Variants in AGBL4 observed in about 807,000 individuals in gnomAD.
The protein encoded by AGBL4 is AGBL carboxypeptidase 4.
A neutral mutation model predicts 66.4 loss-of-function variants in AGBL4; 58 were observed. That is an observed-to-expected ratio of 0.87 (90% CI 0.71 to 1.09). The LOEUF (loss-of-function observed/expected upper bound fraction) is 1.09. Ranked by LOEUF, AGBL4 falls within the 50% of genes least tolerant of loss-of-function variation. The pLI is 0.00. For missense variants in AGBL4, 579 were observed against 631.0 expected (o/e 0.92, Z 0.88); for synonymous variants, 234 against 222.9 (o/e 1.05, Z -0.44).
intron 3 of AGBL4, among the ~76,000 whole-genome samples, chr1:49,410,955 G>C (rs1423286353): frequency 6.6e-6 from 1 of 152,170 alleles, no homozygotes; most frequent in Admixed American, 6.5e-5. Context: ...ATTAGTCAGG[G>C]TTCTCCAGAG....
chr1:49,368,621 A>C (rs2148548340), intron 3 of AGBL4, among the ~76,000 whole-genome samples: 1 of 152,256 alleles, frequency 6.6e-6, no homozygotes, highest in Non-Finnish European at 1.5e-5. Flanking sequence ...GGCTTCTCTG[A>C]CAGCTCCAGG....
intron 4 of AGBL4, among the ~76,000 whole-genome samples, chr1:49,062,294 C>T (rs1644417134): frequency 6.6e-6 from 1 of 152,170 alleles, no homozygotes; most frequent in Non-Finnish European, 1.5e-5. Context: ...TCTAGGAAAT[C>T]CTCCTTCCAC....
chr1:48,650,907 T>C (rs1645919315), intron 8 of AGBL4, among the ~76,000 whole-genome samples: 2 of 152,232 alleles, frequency 1.3e-5, no homozygotes. Context: ...CTGTGTTTCC[T>C]AAACTTATTT....
At chr1:49,070,813 G>A (rs904144785) in intron 4 of AGBL4, among the ~76,000 whole-genome samples, 2 of 151,966 alleles carry the variant, frequency 1.3e-5, no homozygotes, top group African/African-American at 4.8e-5. Context: ...AATGGTACCA[G>A]CTCCTCTTTG....
intron 3 of AGBL4, among the ~76,000 whole-genome samples, chr1:49,508,058 G>T (rs1006945345): frequency 1.3e-5 from 2 of 151,838 alleles, no homozygotes; most frequent in Non-Finnish European, 2.9e-5. Flanking sequence ...AATAAACATA[G>T]CCTCTAGTTC....
At chr1:49,343,808 T>C (rs1645587353) in intron 3 of AGBL4, among the ~76,000 whole-genome samples, 1 of 152,182 alleles carries the variant, frequency 6.6e-6, no homozygotes, top group African/African-American at 2.4e-5. Flanking sequence ...TTAACTGGCT[T>C]AAAAATAATA....
intron 3 of AGBL4, among the ~76,000 whole-genome samples, chr1:49,358,058 G>C (rs898325101): frequency 6.6e-6 from 1 of 152,096 alleles, no homozygotes; most frequent in Non-Finnish European, 1.5e-5. Flanking sequence ...AGCAACCAGA[G>C]TAGCCAGTTT....
chr1:49,241,551 T>C (rs973073631), intron 4 of AGBL4, among the ~76,000 whole-genome samples: 7 of 152,050 alleles, frequency 4.6e-5, no homozygotes, highest in Non-Finnish European at 1.5e-5. Context: ...TATCATACTT[T>C]ACTAGAGCTA....
intron 9 of AGBL4, among the ~76,000 whole-genome samples, chr1:48,633,449 G>A (rs1156814552): frequency 6.6e-6 from 1 of 152,096 alleles, no homozygotes; most frequent in Non-Finnish European, 1.5e-5. Context: ...AGCAGTCATG[G>A]GTCATAAAAT....
At chr1:48,666,685 A>G (rs1382333722) in intron 6 of AGBL4, among the ~76,000 whole-genome samples, 3 of 152,220 alleles carry the variant, frequency 2.0e-5, no homozygotes, top group African/African-American at 7.2e-5. Flanking sequence ...GAGTTAAGTG[A>G]CTTGTCCTAG....
chr1:48,889,882 G>A (rs972516703), intron 5 of AGBL4, among the ~76,000 whole-genome samples: 6 of 152,104 alleles, frequency 3.9e-5, no homozygotes, highest in African/African-American at 1.4e-4. Context: ...CCGAGTTTGG[G>A]ACTGGGACGG....
At chr1:49,837,223 G>A (rs1216779284) in intron 2 of AGBL4, among the ~76,000 whole-genome samples, 1 of 152,268 alleles carries the variant, frequency 6.6e-6, no homozygotes, top group South Asian at 2.1e-4. Context: ...CCCTGACTGG[G>A]ACTTCGGCCT....
intron 6 of AGBL4, among the ~76,000 whole-genome samples, chr1:48,692,872 C>G (rs1646655562): frequency 6.6e-6 from 1 of 152,168 alleles, no homozygotes; most frequent in Non-Finnish European, 1.5e-5. Context: ...GCAATACCAC[C>G]AATAGCAGCT....
At chr1:48,838,638 T>C (rs2148793676) in intron 6 of AGBL4, among the ~76,000 whole-genome samples, 1 of 152,246 alleles carries the variant, frequency 6.6e-6, no homozygotes, top group Non-Finnish European at 1.5e-5. Flanking sequence ...CAAAGATTTC[T>C]TGAGTAAGAC....
At chr1:49,741,417 C>T (rs1650456319) in intron 2 of AGBL4, among the ~76,000 whole-genome samples, 1 of 152,084 alleles carries the variant, frequency 6.6e-6, no homozygotes, top group African/African-American at 2.4e-5. Context: ...TAATAGCTTA[C>T]CAACCAAAAA....
intron 6 of AGBL4, among the ~76,000 whole-genome samples, chr1:48,721,477 G>A (rs1260710269): frequency 1.3e-5 from 2 of 152,200 alleles, no homozygotes; most frequent in Non-Finnish European, 2.9e-5. Flanking sequence ...CTGCAACAAG[G>A]CCGGTGGGGT....
chr1:49,705,133 G>A (rs1647184074), intron 2 of AGBL4, among the ~76,000 whole-genome samples: 1 of 152,044 alleles, frequency 6.6e-6, no homozygotes, highest in African/African-American at 2.4e-5. Context: ...ACTTAAAGAG[G>A]TCCTTCACAT....
intron 3 of AGBL4, among the ~76,000 whole-genome samples, chr1:49,647,278 A>G (rs1010909534): frequency 6.6e-6 from 1 of 152,052 alleles, no homozygotes; most frequent in African/African-American, 2.4e-5. Context: ...AACAAGTAAA[A>G]AGCTAAATAA....
chr1:49,372,648 TTTCTTTCTTTCTTTC>T (rs1230643393), intron 3 of AGBL4, among the ~76,000 whole-genome samples: 1 of 139,382 alleles, frequency 7.2e-6, no homozygotes, highest in Non-Finnish European at 1.5e-5. Context: ...TCTTTCTTTC[TTTCTTTCTTTCTTTC>T]TTTCTTTCTT....
Sources: allele counts gnomAD v4.1 joint callset (sites outside exome capture counted in the v4.1 genomes callset), GRCh38; gene constraint gnomAD v4.1.1; transcripts MANE v1.5; gene names NCBI Gene and HGNC (gene_info 2026-07-23, HGNC 2026-07-21).